Variants in KMT2C observed in about 807,000 individuals in gnomAD.
KMT2C encodes the protein histone-lysine N-methyltransferase 2C.
Under a neutral mutation model 507.9 loss-of-function variants are expected in KMT2C, and 88 were observed. That is an observed-to-expected ratio of 0.17 (90% confidence interval 0.15 to 0.21). The LOEUF (loss-of-function observed/expected upper bound fraction) is 0.21, where lower values mean the gene tolerates loss of function less well. Ranked by LOEUF, KMT2C falls within the 10% of genes least tolerant of loss-of-function variation. KMT2C has a pLI of 1.00. For synonymous variants in KMT2C, 2,049 were observed against 2,080.8 expected, an observed-to-expected ratio of 0.98 and a Z score of 0.42; for missense variants, 4,954 against 5,957.8, an observed-to-expected ratio of 0.83 and a Z score of 5.55.
At position 152,148,472 on chromosome 7, in the gene KMT2C, G is replaced by T; in HGVS notation, c.13455C>A (p.Phe4485Leu). The change falls in exon 52 of 59, where the codon TTC (phenylalanine) becomes TTA (leucine). Residue 4485 changes from phenylalanine (F) to leucine (L), a missense_variant. Physicochemically the swap from Phe to Leu is conservative, Grantham distance 22. Around this residue, in one of 29 missense-constraint regions of KMT2C, gnomAD observed 221 missense variants for 304.7 expected, o/e 0.73. Transcript: ENST00000262189. This position sits in a 1 kb window ranked among gnomAD's most constrained non-coding sequence, Gnocchi z 7.1. ...TGCATTGTGCTTTAATGGCGCAAGTGAAGTGATAAATGTTGGTGCATCGAA... is the reference window on the plus strand; with the variant it reads ...TGCATTGTGCTTTAATGGCGCAAGTTAAGTGATAAATGTTGGTGCATCGAA... ...HRFRCTNIYH[F>L]TCAIKAQCMF... The T allele has an allele frequency of 6.2e-7, 1 of 1,614,266 alleles. No individual in the cohort carries two copies. Among genetic ancestry groups the T allele is most frequent in the Non-Finnish European group, 8.5e-7 (1 of 1,180,054 alleles).
At chr7:152,194,706 TC>T in intron 28 of KMT2C, 138 bp from the exon 29 acceptor site, 5 of 562,528 alleles carry the variant, frequency 8.9e-6, no homozygotes, top group Non-Finnish European at 1.2e-5. Context: ...GAATCAGAAT[TC>T]TCATATCAAT....
rs2129119671 is a variant in KMT2C, at chr7:152,181,110, G to A, written c.6750C>T (p.Phe2250=). ...RPVLMPNQDP[F]LQAAQNRGPA... is the part of the protein sequence containing the mutation. ...GTCCTCGGTTTTGTGCTGCTTGCAG[G>A]AAAGGATCCTGATTTGGCATGAGGA... is the stretch of plus-strand genomic sequence containing the variant. Residue 2250 remains phenylalanine (F), a synonymous_variant, in exon 36 of 59, where the codon TTC becomes TTT. Coordinates refer to ENST00000262189, the MANE Select transcript of KMT2C (RefSeq NM_170606.3). 1.2e-6 allele frequency: 2 copies of A among 1,614,192 alleles called. No homozygotes were observed. The highest frequency in any genetic ancestry group is 1.3e-5 in the African/African-American group (1 of 75,058).
At chr7:152,354,000 C>T (rs1324004315) in intron 2 of KMT2C, among the ~76,000 whole-genome samples, 1 of 152,094 alleles carries the variant, frequency 6.6e-6, no homozygotes, top group African/African-American at 2.4e-5. Context: ...GTGGTTATAA[C>T]AGTTATTCTT....
intron 1 of KMT2C, chr7:152,368,314 G>A (rs2097263779): frequency 1.7e-6 from 2 of 1,192,190 alleles, no homozygotes; most frequent in African/African-American, 3.0e-5. Flanking sequence ...TTATAATGGA[G>A]TTGATAACAA....
intron 13 of KMT2C, 31 bp from the exon 14 acceptor site, chr7:152,248,651 T>C (rs775343570): frequency 1.1e-5 from 15 of 1,426,116 alleles, no homozygotes; most frequent in African/African-American, 1.4e-5. Flanking sequence ...GTTATGGCAA[T>C]GTACAAACAA....
intron 1 of KMT2C, among the ~76,000 whole-genome samples, chr7:152,416,558 A>G (rs565819237): frequency 7.6e-6 from 1 of 131,676 alleles, no homozygotes; most frequent in African/African-American, 2.8e-5. Flanking sequence ...AAAAAAAAAC[A>G]AACAACAACA....
intron 9 of KMT2C, among the ~76,000 whole-genome samples, chr7:152,257,865 G>GCA (rs113752747): frequency 2.6e-3 from 384 of 147,276 alleles, no homozygotes; most frequent in South Asian, 5.6e-3. Flanking sequence ...ACACACACAC[G>GCA]CACACACACA....
In KMT2C at chr7:152,167,272, A is replaced by G. The variant is rs1250461954; in HGVS notation, c.9624T>C (p.Ser3208=). The G allele has an allele frequency of 6.2e-7, 1 of 1,614,084 alleles. No individual in the cohort carries two copies. Among genetic ancestry groups the G allele is most frequent in the East Asian group, 2.2e-5 (1 of 44,876 alleles). The change falls in exon 42 of 59, where the codon TCT becomes TCC. Residue 3208 remains serine, a synonymous_variant. Transcript: ENST00000262189. ...LEEQIGAHRK[S]KKALSAKQRT... ...GTTGTTTAGCTGAAAGGGCCTTCTT[A>G]GATTTTCTGTGAGCACCAATTTGTT... is the stretch of plus-strand genomic sequence containing the variant.
chr7:152,248,738 C>T, intron 13 of KMT2C, 118 bp from the exon 14 acceptor site: 2 of 627,438 alleles, frequency 3.2e-6, no homozygotes, highest in Non-Finnish European at 5.5e-6. Context: ...TTCATCAAAG[C>T]AGACAATTAT....
intron 3 of KMT2C, among the ~76,000 whole-genome samples, chr7:152,323,683 A>G (rs978374518): frequency 6.7e-6 from 1 of 148,702 alleles, no homozygotes; most frequent in African/African-American, 2.5e-5. Flanking sequence ...GAAGGAAAGA[A>G]AAAAAGGAAA....
intron 23 of KMT2C, among the ~76,000 whole-genome samples, chr7:152,219,338 T>G (rs928532197): frequency 6.6e-6 from 1 of 152,226 alleles, no homozygotes; most frequent in African/African-American, 2.4e-5. Context: ...ACTGATTTTT[T>G]TTAAGAGTTG....
Position 152,163,059 on chromosome 7 carries a change from C to T in KMT2C, c.10518G>A (p.Glu3506=). ...ATGAAGGAGGGCCTACCTGCCTTCG[C>T]TCATTAGTCTGCATGAAAGTTTGGG... ...PSTQTFMQTN[E]RRQVGPPSFV... Residue 3506 remains glutamate (E), a synonymous_variant, in exon 43 of 59, where the codon GAG becomes GAA. Transcript: ENST00000262189. The T allele has an allele frequency of 1.9e-6, 3 of 1,614,196 alleles. No homozygotes were observed. The highest frequency in any genetic ancestry group is 2.5e-6 in the Non-Finnish European group (3 of 1,180,040).
chr7:152,142,467 C>T (rs1265328524), intron 55 of KMT2C, among the ~76,000 whole-genome samples: 1 of 152,150 alleles, frequency 6.6e-6, no homozygotes, highest in Admixed American at 6.5e-5. Context: ...AAATGGGAAA[C>T]AAGAAAACAG....
intron 26 of KMT2C, among the ~76,000 whole-genome samples, chr7:152,199,852 T>C (rs527355182): frequency 6.6e-6 from 1 of 152,328 alleles, no homozygotes; most frequent in East Asian, 1.9e-4. Context: ...TATTGATTCA[T>C]ATAACCACAC....
chr7:152,227,778 A>G (rs1052134866), intron 18 of KMT2C, among the ~76,000 whole-genome samples: 3 of 152,246 alleles, frequency 2.0e-5, no homozygotes, highest in African/African-American at 7.2e-5. Context: ...CTAGAAGCCC[A>G]AAGACCCACA....
At chr7:152,281,872 G>T (rs2096219308) in intron 6 of KMT2C, among the ~76,000 whole-genome samples, 1 of 152,100 alleles carries the variant, frequency 6.6e-6, no homozygotes, top group Non-Finnish European at 1.5e-5. Context: ...GTCAGGAAAT[G>T]AAAGGAACTG....
chr7:152,345,464 T>G (rs2097049168), intron 2 of KMT2C, among the ~76,000 whole-genome samples: 1 of 152,206 alleles, frequency 6.6e-6, no homozygotes, highest in Non-Finnish European at 1.5e-5. Context: ...AGAATCACTT[T>G]GAGTAACAAT....
intron 2 of KMT2C, among the ~76,000 whole-genome samples, chr7:152,337,937 A>C (rs2096953220): frequency 6.6e-6 from 1 of 151,882 alleles, no homozygotes. Flanking sequence ...GCTCACTGAA[A>C]GCTCTGCCTC....
chr7:152,305,922 G>A (rs1418227708), intron 6 of KMT2C, among the ~76,000 whole-genome samples: 1 of 152,128 alleles, frequency 6.6e-6, no homozygotes, highest in African/African-American at 2.4e-5. Context: ...CTAAGCACTA[G>A]GTATTCTCAA....
Sources: gnomAD v4.1 joint callset for allele counts (sites outside exome capture counted in the v4.1 genomes callset) on GRCh38, gnomAD v4.1.1 for gene constraint, gnomAD v4.1.1 regional missense constraint, Gnocchi (gnomAD v3.1) non-coding constraint, MANE v1.5 for transcripts, NCBI Gene and HGNC (gene_info 2026-07-23, HGNC 2026-07-21) for gene names.